The following CRACDL variants were observed in gnomAD, a reference collection of about 807,000 sequenced individuals.
CRACDL encodes the protein CRACD-like protein.
A neutral mutation model predicts 70.6 loss-of-function variants in CRACDL; 26 were observed. The ratio of observed to expected loss-of-function variants is 0.37; its 90% CI spans 0.27 to 0.51. The LOEUF is 0.51. Among genes scored for constraint, CRACDL ranks in the 20% least tolerant of loss-of-function variants. CRACDL has a pLI of 0.94. For missense variants in CRACDL, 1,283 were observed against 1,376.9 expected (o/e 0.93, Z 1.08); for synonymous variants, 618 against 615.2 (o/e 1.00, Z -0.07).
In CRACDL at chr2:98,795,077, A is replaced by ATATATATATATATTTTTTT; in HGVS notation, c.2750-407_2750-406insAAAAAAATATATATATATA. ...TATATATATATATATATATATATAT[A>ATATATATATATATTTTTTT]TTTTTTTTTTTTTTTGAGACAGAAG... On this transcript the variant is annotated intron_variant, in intron 9 of 9. Transcript: ENST00000397899. Among the ~76,000 whole-genome samples the ATATATATATATATTTTTTT allele has an allele frequency of 8.0e-4, 47 of 58,438 alleles. 1 individual carries two copies. Among genetic ancestry groups the ATATATATATATATTTTTTT allele is most frequent in the Non-Finnish European group, 1.3e-3 (41 of 32,030 alleles). The allele number at this position is 58,438 out of a possible 152,430, so 38.3% of individuals were successfully genotyped here. A position where few individuals can be genotyped will look rare whatever the true frequency, so the allele number is the denominator to read the frequency against.
intron 1 of CRACDL, among the ~76,000 whole-genome samples, chr2:98,930,775 G>T (rs992553902): frequency 6.6e-6 from 1 of 152,174 alleles, no homozygotes; most frequent in Non-Finnish European, 1.5e-5. Context: ...GTTATGGAAG[G>T]ACCCTTTATT....
At chr2:98,925,753 GAT>G (rs1708895996) in intron 1 of CRACDL, among the ~76,000 whole-genome samples, 1 of 152,104 alleles carries the variant, frequency 6.6e-6, no homozygotes, top group Non-Finnish European at 1.5e-5. Context: ...TGACTACAAG[GAT>G]TAAATAAGAT....
chr2:98,924,367 C>A (rs547001987), intron 1 of CRACDL, among the ~76,000 whole-genome samples: 2 of 152,310 alleles, frequency 1.3e-5, no homozygotes, highest in African/African-American at 4.8e-5. Flanking sequence ...ACTTTCACCT[C>A]CCTGAACTTC....
intron 1 of CRACDL, among the ~76,000 whole-genome samples, chr2:98,882,506 C>A (rs1454588001): frequency 6.6e-6 from 1 of 152,158 alleles, no homozygotes; most frequent in South Asian, 2.1e-4. Context: ...AAATGAGAGT[C>A]TATGAAGGAA....
chr2:98,884,768 C>T (rs1185947688), intron 1 of CRACDL, among the ~76,000 whole-genome samples: 1 of 152,198 alleles, frequency 6.6e-6, no homozygotes, highest in Non-Finnish European at 1.5e-5. Flanking sequence ...GAAGGGGACT[C>T]TTGCCAGACA....
At position 98,914,613 on chromosome 2, in the gene CRACDL, C is replaced by G. The variant is rs892680993; in HGVS notation, c.-11+21325G>C. ...AGCTTGCGCAGGGCACAGAGGAGCT[C>G]TGTCCCCTGCCCCCCACCAGCCTTC... On this transcript the variant is annotated intron_variant, in intron 1 of 9. Coordinates refer to ENST00000397899, the MANE Select transcript of CRACDL (RefSeq NM_207362.3). Among the ~76,000 whole-genome samples, 3 of 152,196 alleles carry G rather than the reference C, an allele frequency of 2.0e-5. No individual in the cohort carries two copies. The South Asian group carries it at 6.2e-4, about 31-fold the overall frequency.
chr2:98,808,684 C>G (rs1199736129), intron 7 of CRACDL, among the ~76,000 whole-genome samples: 1 of 152,194 alleles, frequency 6.6e-6, no homozygotes, highest in South Asian at 2.1e-4. Context: ...TCCTGCCATA[C>G]CCTTGGCCCT....
At chr2:98,921,900 G>A (rs571315125) in intron 1 of CRACDL, among the ~76,000 whole-genome samples, 3 of 152,022 alleles carry the variant, frequency 2.0e-5, no homozygotes, top group South Asian at 2.1e-4. Context: ...TCCCACCCAG[G>A]GCAACATTAT....
intron 7 of CRACDL, among the ~76,000 whole-genome samples, chr2:98,811,341 C>T (rs1258554751): frequency 1.3e-5 from 2 of 151,612 alleles, no homozygotes; most frequent in Non-Finnish European, 1.5e-5. Flanking sequence ...GAAACCCTGT[C>T]TCTCCTAAAA....
chr2:98,832,485 C>G lies in CRACDL; in HGVS notation c.403G>C (p.Gly135Arg). Residue 135 changes from glycine to arginine, a missense_variant, in exon 5 of 10, where the codon GGG becomes CGG. Coordinates refer to ENST00000397899, the MANE Select transcript of CRACDL (RefSeq NM_207362.3). ...AGCCCCCCTGGAGGAGGTGGTGGCCCCATTTTCACATTACACTGTATTTTT... is the reference window on the plus strand; with the variant it reads ...AGCCCCCCTGGAGGAGGTGGTGGCCGCATTTTCACATTACACTGTATTTTT... The part of the protein sequence containing the change: ...QLKIQCNVKM[G>R]PPPPPGGLPA... 6.2e-7 allele frequency: 1 copy of G among 1,611,240 alleles called. No homozygotes were observed. Among genetic ancestry groups the G allele is most frequent in the Non-Finnish European group, 8.5e-7 (1 of 1,178,404 alleles).
intron 9 of CRACDL, among the ~76,000 whole-genome samples, chr2:98,795,846 A>G (rs1196299252): frequency 6.6e-6 from 1 of 152,104 alleles, no homozygotes; most frequent in African/African-American, 2.4e-5. Flanking sequence ...GATACAGGTA[A>G]TTTTCCATCT....
At chr2:98,919,605 G>C (rs1032969624) in intron 1 of CRACDL, among the ~76,000 whole-genome samples, 1 of 151,952 alleles carries the variant, frequency 6.6e-6, no homozygotes, top group African/African-American at 2.4e-5. Context: ...AATATATTTG[G>C]GGGTTTGATA....
chr2:98,839,221 C>T (rs778365125), intron 2 of CRACDL, among the ~76,000 whole-genome samples: 2 of 152,190 alleles, frequency 1.3e-5, no homozygotes, highest in Non-Finnish European at 2.9e-5. Context: ...GTCTTACTCT[C>T]ATGGGGAGAA....
intron 1 of CRACDL, among the ~76,000 whole-genome samples, chr2:98,917,317 T>C (rs1708689822): frequency 6.6e-6 from 1 of 152,206 alleles, no homozygotes; most frequent in Non-Finnish European, 1.5e-5. Flanking sequence ...GCAGATTTAA[T>C]TGTTTCCTTG....
Position 98,923,364 on chromosome 2 carries a change from A to T in CRACDL, c.-11+12574T>A, listed in dbSNP as rs1355308788. ...TAATTCATATTATTTTTAAAAATTC[A>T]TGGGGAAAATGGTACTTTGTCTTGT... On this transcript the variant is annotated intron_variant, in intron 1 of 9. Coordinates refer to ENST00000397899, the MANE Select transcript of CRACDL (RefSeq NM_207362.3). Among the ~76,000 whole-genome samples, 4 of 152,130 alleles carry T rather than the reference A, an allele frequency of 2.6e-5. No individual in the cohort carries two copies. In the East Asian group the frequency reaches 5.8e-4, roughly 22 times the overall value.
intron 1 of CRACDL, among the ~76,000 whole-genome samples, chr2:98,906,564 C>G (rs1305038775): frequency 6.6e-6 from 1 of 152,038 alleles, no homozygotes; most frequent in Admixed American, 6.6e-5. Flanking sequence ...ACCTGGCCAT[C>G]CAACCAGTGA....
chr2:98,808,325 C>T (rs1158489601), intron 7 of CRACDL, among the ~76,000 whole-genome samples: 1 of 152,210 alleles, frequency 6.6e-6, no homozygotes, highest in East Asian at 1.9e-4. Flanking sequence ...TTAACACTCT[C>T]ACAGTCTGGG....
intron 1 of CRACDL, among the ~76,000 whole-genome samples, chr2:98,867,262 T>C (rs1219652720): frequency 2.6e-5 from 4 of 152,244 alleles, no homozygotes; most frequent in Non-Finnish European, 5.9e-5. Context: ...ACAGTTGATT[T>C]AGTGGTATTC....
At chr2:98,852,092 A>G (rs1225814841) in intron 1 of CRACDL, among the ~76,000 whole-genome samples, 2 of 152,180 alleles carry the variant, frequency 1.3e-5, no homozygotes, top group African/African-American at 4.8e-5. Flanking sequence ...TGATGAATCC[A>G]AGAATGGAAT....
Sources: gnomAD v4.1 joint callset for allele counts (sites outside exome capture counted in the v4.1 genomes callset) on GRCh38, gnomAD v4.1.1 for gene constraint, MANE v1.5 for transcripts, NCBI Gene and HGNC (gene_info 2026-07-23, HGNC 2026-07-21) for gene names.